Variants in TRIM23 observed in about 807,000 individuals in gnomAD.
TRIM23 encodes the protein E3 ubiquitin-protein ligase TRIM23.
In TRIM23, 27 loss-of-function variants were observed where a neutral mutation model predicts 71.0. That is an observed-to-expected ratio of 0.38 (90% CI 0.28 to 0.52). The LOEUF (loss-of-function observed/expected upper bound fraction) is 0.52, where lower values mean the gene tolerates loss of function less well. Among genes scored for constraint, TRIM23 ranks in the 20% least tolerant of loss-of-function variants. The probability of loss-of-function intolerance (pLI) is 0.84; values close to 1 mark genes in which losing one functional copy is unlikely to be tolerated. For missense variants in TRIM23, 482 were observed against 692.3 expected (o/e 0.70, Z 3.41); for synonymous variants, 234 against 238.0 (o/e 0.98, Z 0.16).
intron 7 of TRIM23, among the ~76,000 whole-genome samples, chr5:65,603,631 C>T (rs1754419090): frequency 6.6e-6 from 1 of 152,012 alleles, no homozygotes; most frequent in Non-Finnish European, 1.5e-5. Context: ...ATAAACCTTG[C>T]TTTGAACATT....
chr5:65,614,212 T>A lies in TRIM23; in HGVS notation c.252A>T (p.Ser84=). The A allele has an allele frequency of 1.2e-6, 2 of 1,612,976 alleles. No homozygotes were observed. The highest frequency in any genetic ancestry group is 4.5e-5 in the East Asian group (2 of 44,836). ...AATTTTTTTTCAATCCCCAGACACC[T>A]GAATCACCTAGAATAAATATAAAAA... is the stretch of plus-strand genomic sequence containing the variant. ...FDRQVTDLGD[S]GVWGLKKNFA... Residue 84 remains serine, a synonymous_variant, in exon 3 of 11, where the codon TCA becomes TCT. Transcript: ENST00000231524.
At chr5:65,614,907 T>C (rs1225025698) in intron 2 of TRIM23, among the ~76,000 whole-genome samples, 1 of 151,496 alleles carries the variant, frequency 6.6e-6, no homozygotes, top group Admixed American at 6.6e-5. Context: ...TCTCTTTTAC[T>C]TTTTTTTTGA....
chr5:65,602,455 AG>A (rs562328846), intron 7 of TRIM23, among the ~76,000 whole-genome samples: 290 of 152,264 alleles, frequency 1.9e-3, no homozygotes, highest in African/African-American at 6.7e-3. Flanking sequence ...ACGAGTCTCT[AG>A]GAAGTTCCAA....
In TRIM23 at chr5:65,591,488, ATAT is replaced by A. The variant is rs761481180; in HGVS notation, c.*278_*280del. 2.5e-6 allele frequency: 4 copies of A among 1,583,958 alleles called. No homozygotes were observed. Among genetic ancestry groups the A allele is most frequent in the Middle Eastern group, 1.8e-4 (1 of 5,528 alleles). On this transcript the variant is annotated 3_prime_UTR_variant, in exon 11 of 11. Coordinates refer to ENST00000231524, the MANE Select transcript of TRIM23 (RefSeq NM_001656.4). ...ACCTCTTTCCCAGTATATTGGTCAC[ATAT>A]TATCTGAAAAACTTAAATAACAAAT... is the stretch of plus-strand genomic sequence containing the variant.
At chr5:65,615,017 C>A (rs72762473) in intron 2 of TRIM23, among the ~76,000 whole-genome samples, 40,477 of 151,732 alleles carry the variant, frequency 0.27, 5,954 homozygotes, top group South Asian at 0.35. Context: ...CGTGCCCCAG[C>A]CTCCCAAGTG....
chr5:65,624,181 C>T lies in TRIM23; in HGVS notation c.81+13G>A, dbSNP rs1204960644. On this transcript the variant is annotated intron_variant, in intron 1 of 10. Coordinates refer to ENST00000231524, the MANE Select transcript of TRIM23 (RefSeq NM_001656.4). ...GGCCGATGGTGGAGAATAGAGCACGCAAGGTCCCTCACCTTCACTACAGCT... is the reference window on the plus strand; with the variant it reads ...GGCCGATGGTGGAGAATAGAGCACGTAAGGTCCCTCACCTTCACTACAGCT... The T allele has an allele frequency of 6.2e-7, 1 of 1,614,130 alleles. No homozygotes were observed. Among genetic ancestry groups the T allele is most frequent in the Admixed American group, 1.7e-5 (1 of 60,028 alleles).
At chr5:65,602,265 C>G (rs1299149241) in intron 7 of TRIM23, among the ~76,000 whole-genome samples, 2 of 152,164 alleles carry the variant, frequency 1.3e-5, no homozygotes, top group African/African-American at 4.8e-5. Context: ...CCCTAAATCA[C>G]CTCTCTCAAG....
At chr5:65,623,346 C>T (rs1188750329) in intron 1 of TRIM23, among the ~76,000 whole-genome samples, 1 of 152,138 alleles carries the variant, frequency 6.6e-6, no homozygotes, top group Admixed American at 6.5e-5. Context: ...CTCAGTGATC[C>T]TAATATGTAG....
intron 6 of TRIM23, among the ~76,000 whole-genome samples, chr5:65,607,964 C>A (rs1244878891): frequency 1.3e-5 from 2 of 151,950 alleles, no homozygotes; most frequent in Non-Finnish European, 2.9e-5. Flanking sequence ...AAGGTCAAAT[C>A]GGAAGACACA....
At chr5:65,605,441 G>C (rs1461848743) in intron 6 of TRIM23, among the ~76,000 whole-genome samples, 2 of 152,166 alleles carry the variant, frequency 1.3e-5, no homozygotes, top group Admixed American at 1.3e-4. Flanking sequence ...GGTGGGAAAG[G>C]CAGGTAGTGG....
chr5:65,620,778 G>A (rs1033979123), intron 1 of TRIM23, among the ~76,000 whole-genome samples: 3 of 95,158 alleles, frequency 3.2e-5, no homozygotes, highest in East Asian at 2.4e-4. Context: ...AAAGTTTCAC[G>A]TTATCAAATT....
Position 65,590,180 on chromosome 5 carries a change from C to T in TRIM23, c.*1589G>A, listed in dbSNP as rs908051860. The T allele has an allele frequency of 3.0e-6, 2 of 658,176 alleles. No individual in the cohort carries two copies. The highest frequency in any genetic ancestry group is 5.8e-5 in the Admixed American group (2 of 34,480). The allele number at this position is 658,176 out of a possible 1,614,324, so 40.8% of individuals were successfully genotyped here. On this transcript the variant is annotated 3_prime_UTR_variant, in exon 11 of 11. Transcript: ENST00000231524. ...TTAACTAGTAAACAGTTCAAGTTCT[C>T]ACAAGCAATACAACACCTTTTTTAT...
intron 1 of TRIM23, among the ~76,000 whole-genome samples, chr5:65,619,194 C>T (rs1754853477): frequency 6.6e-6 from 1 of 152,166 alleles, no homozygotes. Context: ...TATGCTCCAA[C>T]TATATCCAAC....
At chr5:65,592,136 A>T (rs535148988) in intron 10 of TRIM23, among the ~76,000 whole-genome samples, 188 bp from the exon 11 acceptor site, 1 of 152,232 alleles carries the variant, frequency 6.6e-6, no homozygotes, top group Non-Finnish European at 1.5e-5. Context: ...TAACTAATTT[A>T]TATGTGTGTG....
intron 2 of TRIM23, among the ~76,000 whole-genome samples, chr5:65,615,061 C>A (rs987128320): frequency 6.6e-6 from 1 of 151,882 alleles, no homozygotes; most frequent in Non-Finnish European, 1.5e-5. Context: ...CTATGCCCAG[C>A]TGATTTTTTT....
At chr5:65,597,919 T>C (rs1194041285) in intron 7 of TRIM23, among the ~76,000 whole-genome samples, 1 of 152,220 alleles carries the variant, frequency 6.6e-6, no homozygotes, top group African/African-American at 2.4e-5. Flanking sequence ...CATAGGATTC[T>C]TGAAAGGATT....
chr5:65,603,414 T>C (rs1365952620), intron 7 of TRIM23, among the ~76,000 whole-genome samples: 1 of 152,178 alleles, frequency 6.6e-6, no homozygotes, highest in African/African-American at 2.4e-5. Context: ...GTTTAGGATG[T>C]ACAGCTAAGT....
At chr5:65,608,041 T>C (rs1754552284) in intron 6 of TRIM23, among the ~76,000 whole-genome samples, 1 of 152,228 alleles carries the variant, frequency 6.6e-6, no homozygotes, top group African/African-American at 2.4e-5. Context: ...AGTTATTAAC[T>C]AGGTAGCTAA....
chr5:65,597,185 A>G lies in TRIM23; in HGVS notation c.1180-5T>C. 9 of 1,613,460 alleles carry G rather than the reference A, an allele frequency of 5.6e-6. No individual in the cohort carries two copies. Among genetic ancestry groups the G allele is most frequent in the Non-Finnish European group, 7.6e-6 (9 of 1,179,704 alleles). ...TCCAATGTGAACTCGATTATCCTACAATTTAAATATTTTTAAATATGTTTG... is the reference window on the plus strand; with the variant it reads ...TCCAATGTGAACTCGATTATCCTACGATTTAAATATTTTTAAATATGTTTG... On this transcript the variant is annotated splice_polypyrimidine_tract_variant and splice_region_variant and intron_variant, in intron 7 of 10. Transcript: ENST00000231524.
Sources: gnomAD v4.1 joint callset for allele counts (sites outside exome capture counted in the v4.1 genomes callset) on GRCh38, gnomAD v4.1.1 for gene constraint, MANE v1.5 for transcripts, NCBI Gene and HGNC (gene_info 2026-07-23, HGNC 2026-07-21) for gene names.